FAT3: variants seen among roughly 807,000 people sequenced by gnomAD.
FAT3 encodes protocadherin Fat 3.
A neutral mutation model predicts 310.2 loss-of-function variants in FAT3; 95 were observed. That is an observed-to-expected ratio of 0.31 (90% CI 0.26 to 0.36). The LOEUF (loss-of-function observed/expected upper bound fraction) is 0.36. FAT3 is among the 10% of genes least tolerant of loss of function. The pLI is 1.00. For synonymous variants in FAT3, 2,314 were observed against 2,192.9 expected, an observed-to-expected ratio of 1.06 and a Z score of -1.54; for missense variants, 5,408 against 5,715.6, an observed-to-expected ratio of 0.95 and a Z score of 1.74.
At chr11:92,634,827 A>C (rs1469264490) in intron 3 of FAT3, among the ~76,000 whole-genome samples, 4 of 152,190 alleles carry the variant, frequency 2.6e-5, no homozygotes, top group Non-Finnish European at 5.9e-5. Flanking sequence ...TTGGAGAAGG[A>C]GCCTCTAAGG....
chr11:92,588,291 G>C lies in FAT3; in HGVS notation c.3607+63343G>C, dbSNP rs536127567. Among the ~76,000 whole-genome samples the C allele has an allele frequency of 3.3e-5, 5 of 151,486 alleles. No homozygotes were observed. The South Asian group carries it at 1.0e-3, about 31-fold the overall frequency. ...TGTCATTTTGTCATGACAATTTTTT[G>C]TTTGCTTTTTACAATAAGTTGCTGT... On this transcript the variant is annotated intron_variant, in intron 3 of 27. Coordinates refer to ENST00000525166, the MANE Select transcript of FAT3 (RefSeq NM_001367949.2).
intron 3 of FAT3, among the ~76,000 whole-genome samples, chr11:92,663,694 C>T (rs1180803724): frequency 2.0e-5 from 3 of 152,114 alleles, no homozygotes; most frequent in Non-Finnish European, 4.4e-5. Context: ...TCACACTTGT[C>T]GTCATATCTG....
chr11:92,468,814 G>T (rs991669288), intron 2 of FAT3, among the ~76,000 whole-genome samples: 3 of 152,180 alleles, frequency 2.0e-5, no homozygotes, highest in African/African-American at 7.2e-5. Context: ...CACCATGGAG[G>T]TAAGCGCCCC....
At chr11:92,563,187 A>G (rs977589781) in intron 3 of FAT3, among the ~76,000 whole-genome samples, 2 of 152,188 alleles carry the variant, frequency 1.3e-5, no homozygotes, top group East Asian at 3.8e-4. Flanking sequence ...TGCTCAGAAA[A>G]TATTTTCTAA....
At chr11:92,463,889 T>A (rs1951697455) in intron 2 of FAT3, among the ~76,000 whole-genome samples, 1 of 152,188 alleles carries the variant, frequency 6.6e-6, no homozygotes, top group African/African-American at 2.4e-5. Context: ...TTCCTGACCT[T>A]CTGTTTCTTA....
At chr11:92,557,648 T>C (rs1330120934) in intron 3 of FAT3, among the ~76,000 whole-genome samples, 5 of 152,364 alleles carry the variant, frequency 3.3e-5, no homozygotes, top group African/African-American at 9.6e-5. Context: ...CCAGCCATGC[T>C]GCAGGTATAG....
At chr11:92,413,995 C>A (rs1323029608) in intron 2 of FAT3, among the ~76,000 whole-genome samples, 1 of 152,104 alleles carries the variant, frequency 6.6e-6, no homozygotes, top group Non-Finnish European at 1.5e-5. Context: ...AGGTAACAGC[C>A]ACACCCACTT....
chr11:92,630,750 G>A (rs1225561154), intron 3 of FAT3, among the ~76,000 whole-genome samples: 1 of 152,082 alleles, frequency 6.6e-6, no homozygotes, highest in East Asian at 1.9e-4. Context: ...CACCCCTTGT[G>A]ACAGCCTTCT....
chr11:92,426,267 A>T (rs1417580958), intron 2 of FAT3, among the ~76,000 whole-genome samples: 2 of 152,024 alleles, frequency 1.3e-5, no homozygotes, highest in Non-Finnish European at 2.9e-5. Context: ...TTCCTTGTAG[A>T]TTCTGGATAT....
chr11:92,542,986 A>G (rs1307493823), intron 3 of FAT3, among the ~76,000 whole-genome samples: 1 of 152,150 alleles, frequency 6.6e-6, no homozygotes, highest in East Asian at 1.9e-4. Flanking sequence ...AAGGAATACC[A>G]TTCAGCTGTA....
chr11:92,399,132 CATACACATAT>C (rs1441326318), intron 2 of FAT3, among the ~76,000 whole-genome samples: 1 of 152,182 alleles, frequency 6.6e-6, no homozygotes, highest in Non-Finnish European at 1.5e-5. Flanking sequence ...TTAGCAATTA[CATACACATAT>C]ATACACATAT....
chr11:92,878,632 G>GT (rs1242241501), intron 22 of FAT3, among the ~76,000 whole-genome samples: 5 of 41,036 alleles, frequency 1.2e-4, no homozygotes, highest in South Asian at 1.5e-3. Context: ...GATGTTATGT[G>GT]TTAAAAAAAA....
intron 3 of FAT3, among the ~76,000 whole-genome samples, chr11:92,604,439 A>T (rs927788594): frequency 3.3e-5 from 5 of 152,320 alleles, no homozygotes; most frequent in Admixed American, 3.3e-4. Context: ...TCTTTTCTGC[A>T]GGTGATTAGT....
In FAT3 at chr11:92,792,883, T is replaced by G; in HGVS notation, c.4728T>G (p.Phe1576Leu). 1 of 1,613,866 alleles carries G rather than the reference T, an allele frequency of 6.2e-7. No individual in the cohort carries two copies. Among genetic ancestry groups the G allele is most frequent in the Non-Finnish European group, 8.5e-7 (1 of 1,179,794 alleles). The change falls in exon 9 of 28, where the codon TTT (phenylalanine) becomes TTG (leucine). Residue 1576 changes from phenylalanine (F) to leucine (L), a missense_variant. By Grantham distance (22) the Phe-to-Leu change is conservative (BLOSUM62 0). Coordinates refer to ENST00000525166, the MANE Select transcript of FAT3 (RefSeq NM_001367949.2). Reference sequence around the variant, plus strand: ...ACCCACTGTATGAAGCGTCTGTGTTTGAATCTGCTGCTCTGGGATCAGCTG... The same window carrying G: ...ACCCACTGTATGAAGCGTCTGTGTTGGAATCTGCTGCTCTGGGATCAGCTG... ...FTNPLYEASV[F>L]ESAALGSAVL...
intron 22 of FAT3, among the ~76,000 whole-genome samples, chr11:92,878,807 A>G (rs1010464316): frequency 6.6e-6 from 1 of 151,782 alleles, no homozygotes; most frequent in African/African-American, 2.4e-5. Context: ...AAGTTAGAGG[A>G]AGGTCCAGGA....
At position 92,697,454 on chromosome 11, in the gene FAT3, A is replaced by G. The variant is rs1039724450; in HGVS notation, c.3669+9A>G. The G allele has an allele frequency of 1.2e-6, 2 of 1,613,720 alleles. No individual in the cohort carries two copies. The highest frequency in any genetic ancestry group is 1.7e-6 in the Non-Finnish European group (2 of 1,179,692). ...CAGAACATTTTCTGGAGGTAAGCGC[A>G]TAGAGGGAACTGAAATTCATTAAAA... is the stretch of plus-strand genomic sequence containing the variant. On this transcript the variant is annotated intron_variant, in intron 4 of 27. Transcript: ENST00000525166.
chr11:92,811,209 T>C (rs1247771364), intron 13 of FAT3, among the ~76,000 whole-genome samples: 1 of 152,192 alleles, frequency 6.6e-6, no homozygotes, highest in Admixed American at 6.5e-5. Flanking sequence ...TACCTACAAA[T>C]AGTCTCTTTT....
chr11:92,791,453 C>A (rs898749306), intron 8 of FAT3, among the ~76,000 whole-genome samples: 7 of 152,194 alleles, frequency 4.6e-5, no homozygotes, highest in African/African-American at 1.7e-4. Context: ...GGGCAGAAAC[C>A]TTGTGCTAGT....
chr11:92,530,046 A>G (rs969156396), intron 3 of FAT3, among the ~76,000 whole-genome samples: 5 of 152,210 alleles, frequency 3.3e-5, no homozygotes, highest in African/African-American at 7.2e-5. Context: ...TAGGATAGAC[A>G]TTTCCTTTCT....
Sources: allele counts gnomAD v4.1 joint callset (sites outside exome capture counted in the v4.1 genomes callset), GRCh38; gene constraint gnomAD v4.1.1; transcripts MANE v1.5; gene names NCBI Gene and HGNC (gene_info 2026-07-23, HGNC 2026-07-21).